Variants in USP17L2 observed in about 807,000 individuals in gnomAD.
The protein encoded by USP17L2 is ubiquitin carboxyl-terminal hydrolase 17.
A neutral mutation model predicts 39.8 loss-of-function variants in USP17L2; 29 were observed. The observed-to-expected ratio is 0.73, with a 90% confidence interval of 0.54 to 0.99. The LOEUF is 0.99. Among genes scored for constraint, USP17L2 ranks in the 50% least tolerant of loss-of-function variants. The probability of loss-of-function intolerance (pLI) is 0.00; values close to 1 mark genes in which losing one functional copy is unlikely to be tolerated. For synonymous variants in USP17L2, 231 were observed against 252.7 expected (o/e 0.91, Z 0.81); for missense variants, 567 against 647.2 (o/e 0.88, Z 1.35).
Position 12,136,754 on chromosome 8 carries a change from C to G in USP17L2, c.*414G>C, listed in dbSNP as rs577539512. 2.1e-5 allele frequency among the ~76,000 whole-genome samples: 3 copies of G among 140,816 alleles called. No homozygotes were observed. The highest frequency in any genetic ancestry group is 2.3e-4 in the East Asian group (1 of 4,332). The allele number at this position is 140,816 out of a possible 152,430, so 92.4% of individuals were successfully genotyped here. A position where few individuals can be genotyped will look rare whatever the true frequency, so the allele number is the denominator to read the frequency against. On this transcript the variant is annotated 3_prime_UTR_variant, in exon 1 of 1. Transcript: ENST00000333796. ...TGCCACATGAGCAAAATTTCACCTT[C>G]TCGTGCCGCCCAACAACTGACGAAT...
Position 12,137,841 on chromosome 8 carries a change from A to G in USP17L2, c.920T>C (p.Met307Thr). The change falls in exon 1 of 1, where the codon ATG (methionine) becomes ACG (threonine). Residue 307 changes from methionine (M) to threonine (T), a missense_variant. By Grantham distance (81) the Met-to-Thr change is moderately conservative. This residue lies in a region of USP17L2 where 65 missense variants were observed against 84.8 expected (regional missense o/e 0.77). Coordinates refer to ENST00000333796, the MANE Select transcript of USP17L2 (RefSeq NM_201402.3). ...YPECLDMQPY[M>T]SQQNTGPLVY... ...AAGAGGTCCTGTGTTCTGCTGAGAC[A>G]TGTATGGCTGCATGTCAAGGCACTC... 1 of 1,486,932 alleles carries G rather than the reference A, an allele frequency of 6.7e-7. No individual in the cohort carries two copies. The highest frequency in any genetic ancestry group is 9.2e-7 in the Non-Finnish European group (1 of 1,092,470). 92.1% of individuals were successfully genotyped at this position (1,486,932 alleles called of 1,614,324 possible).
Position 12,138,653 on chromosome 8 carries a change from A to G in USP17L2, c.108T>C (p.Ser36=), listed in dbSNP as rs1277257572. ...ATGAGAGTGGTGACTTCTCAGGGAG[A>G]GAAGTCCGCTGGATTTCAGCAAAAG... ...DAAFAEIQRT[S]LPEKSPLSSE... is the part of the protein sequence containing the mutation. The change falls in exon 1 of 1, where the codon TCT becomes TCC. Residue 36 remains serine, a synonymous_variant. Coordinates refer to ENST00000333796, the MANE Select transcript of USP17L2 (RefSeq NM_201402.3). The G allele has an allele frequency of 3.3e-6, 5 of 1,525,156 alleles. No individual in the cohort carries two copies. Among genetic ancestry groups the G allele is most frequent in the Admixed American group, 1.8e-5 (1 of 55,886 alleles). 94.5% of individuals were successfully genotyped at this position (1,525,156 alleles called of 1,614,324 possible).
chr8:12,137,303 C>A lies in USP17L2; in HGVS notation c.1458G>T (p.Leu486=), dbSNP rs1425918501. The change falls in exon 1 of 1, where the codon CTG becomes CTT. Residue 486 remains leucine (L), a synonymous_variant. Coordinates refer to ENST00000333796, the MANE Select transcript of USP17L2 (RefSeq NM_201402.3). The part of the protein sequence containing the change: ...KNHHPEQQSS[L]LNLSSTTRTD... ...TCCGGGTCGTCGAAGAGAGGTTTAG[C>A]AGGGAGCTTTGCTGTTCAGGATGAT... 12 of 1,531,220 alleles carry A rather than the reference C, an allele frequency of 7.8e-6. 2 individuals are homozygous for A. Among genetic ancestry groups the A allele is most frequent in the Admixed American group, 1.8e-5 (1 of 55,856 alleles). 94.9% of individuals were successfully genotyped at this position (1,531,220 alleles called of 1,614,324 possible).
Position 12,138,733 on chromosome 8 carries a change from C to A in USP17L2, c.28G>T (p.Gly10Cys), listed in dbSNP as rs780106944. 1 of 1,408,890 alleles carries A rather than the reference C, an allele frequency of 7.1e-7. No homozygotes were observed. The highest frequency in any genetic ancestry group is 1.8e-5 in the Admixed American group (1 of 55,814). The allele number at this position is 1,408,890 out of a possible 1,614,324, so 87.3% of individuals were successfully genotyped here. A position where few individuals can be genotyped will look rare whatever the true frequency, so the allele number is the denominator to read the frequency against. Residue 10 changes from glycine to cysteine, a missense_variant, in exon 1 of 1, where the codon GGT becomes TGT. By Grantham distance (159) the Gly-to-Cys change is radical. Transcript: ENST00000333796. Reference sequence around the variant, plus strand: ...GAAAAGTGGTTGAACTGCCACTCACCTCCCAAGTAGAGTGAGTCGTCCTCC... The same window carrying A: ...GAAAAGTGGTTGAACTGCCACTCACATCCCAAGTAGAGTGAGTCGTCCTCC... MEDDSLYLGGEWQFNHFSKL... is the reference protein window; with the variant it reads MEDDSLYLGCEWQFNHFSKL...
rs1470821235 is a variant in USP17L2, at chr8:12,137,740, C to A, written c.1021G>T (p.Ala341Ser). ...ATTTTATACCACTGGCCTTCTTGAGCTTTGACATAAGAGAAGTAATGTCCG... is the reference window on the plus strand; with the variant it reads ...ATTTTATACCACTGGCCTTCTTGAGATTTGACATAAGAGAAGTAATGTCCG... ...HDGHYFSYVK[A>S]QEGQWYKMDD... The change falls in exon 1 of 1, where the codon GCT becomes TCT. Residue 341 changes from alanine to serine, a missense_variant. Physicochemically the swap from Ala to Ser is moderately conservative, Grantham distance 99. This residue lies in a region of USP17L2 where 304 missense variants were observed against 254.7 expected (regional missense o/e 1.19). Coordinates refer to ENST00000333796, the MANE Select transcript of USP17L2 (RefSeq NM_201402.3). 3.9e-6 allele frequency: 6 copies of A among 1,523,868 alleles called. 1 individual carries two copies. The African/African-American group carries it at 5.9e-5, about 15-fold the overall frequency. The allele number at this position is 1,523,868 out of a possible 1,614,324, so 94.4% of individuals were successfully genotyped here. A position where few individuals can be genotyped will look rare whatever the true frequency, so the allele number is the denominator to read the frequency against.
Position 12,137,105 on chromosome 8 carries a change from G to T in USP17L2, c.*63C>A, listed in dbSNP as rs535903706. 1.4e-5 allele frequency: 20 copies of T among 1,464,148 alleles called. 1 individual carries two copies. Among genetic ancestry groups the T allele is most frequent in the African/African-American group, 4.5e-5 (3 of 66,556 alleles). 90.7% of individuals were successfully genotyped at this position (1,464,148 alleles called of 1,614,324 possible). On this transcript the variant is annotated 3_prime_UTR_variant, in exon 1 of 1. Coordinates refer to ENST00000333796, the MANE Select transcript of USP17L2 (RefSeq NM_201402.3). ...TGTGTGTTTGCGTGCGCGCTTGTGG[G>T]TGTATTTGTGCGTGTGTGTGTGTGC...
At position 12,138,239 on chromosome 8, in the gene USP17L2, C is replaced by T. The variant is rs1432975689; in HGVS notation, c.522G>A (p.Lys174=). 4 of 1,324,504 alleles carry T rather than the reference C, an allele frequency of 3.0e-6. No homozygotes were observed. The East Asian group carries it at 8.1e-5, about 27-fold the overall frequency. 82.0% of individuals were successfully genotyped at this position (1,324,504 alleles called of 1,614,324 possible). The change falls in exon 1 of 1, where the codon AAG becomes AAA. Residue 174 remains lysine, a synonymous_variant. Transcript: ENST00000333796. Reference sequence around the variant, plus strand: ...CCTGCTTGTGGCCGGGAAGGCATGCCTTTTTCATGGCATCCACAGTGAACA... The same window carrying T: ...CCTGCTTGTGGCCGGGAAGGCATGCTTTTTTCATGGCATCCACAGTGAACA... ...FLMFTVDAMK[K]ACLPGHKQVD...
chr8:12,136,745 T>A lies in USP17L2; in HGVS notation c.*423A>T, dbSNP rs1417268688. On this transcript the variant is annotated 3_prime_UTR_variant, in exon 1 of 1. Coordinates refer to ENST00000333796, the MANE Select transcript of USP17L2 (RefSeq NM_201402.3). ...CCATGGATGTGCCACATGAGCAAAA[T>A]TTCACCTTCTCGTGCCGCCCAACAA... Among the ~76,000 whole-genome samples the A allele has an allele frequency of 7.1e-5, 10 of 140,468 alleles. 1 individual carries two copies. The highest frequency in any genetic ancestry group is 1.4e-4 in the Non-Finnish European group (9 of 64,858). The allele number at this position is 140,468 out of a possible 152,430, so 92.2% of individuals were successfully genotyped here. A position where few individuals can be genotyped will look rare whatever the true frequency, so the allele number is the denominator to read the frequency against.
chr8:12,136,757 G>A lies in USP17L2; in HGVS notation c.*411C>T, dbSNP rs368031739. Among the ~76,000 whole-genome samples, 10 of 140,510 alleles carry A rather than the reference G, an allele frequency of 7.1e-5. 1 individual carries two copies. The highest frequency in any genetic ancestry group is 2.5e-4 in the South Asian group (1 of 4,000). The allele number at this position is 140,510 out of a possible 152,430, so 92.2% of individuals were successfully genotyped here. On this transcript the variant is annotated 3_prime_UTR_variant, in exon 1 of 1. Transcript: ENST00000333796. ...CACATGAGCAAAATTTCACCTTCTC[G>A]TGCCGCCCAACAACTGACGAATGAA...
rs565460675 is a variant in USP17L2 at position 12,136,937 on chromosome 8, C to T, written c.*231G>A. Among the ~76,000 whole-genome samples the T allele has an allele frequency of 1.6e-4, 22 of 140,724 alleles. 2 individuals are homozygous for T. Among genetic ancestry groups the T allele is most frequent in the South Asian group, 1.3e-3 (5 of 3,998 alleles). 92.3% of individuals were successfully genotyped at this position (140,724 alleles called of 152,430 possible). A position where few individuals can be genotyped will look rare whatever the true frequency, so the allele number is the denominator to read the frequency against. ...TCTCTCCAGAGGTTCGGAAGACTCA[C>T]GACCCCAAAACTTGATGTTTCCCAT... On this transcript the variant is annotated 3_prime_UTR_variant, in exon 1 of 1. Coordinates refer to ENST00000333796, the MANE Select transcript of USP17L2 (RefSeq NM_201402.3).
rs1482561423 is a variant in USP17L2 at position 12,136,485 on chromosome 8, A to C, written c.*683T>G. 1.4e-5 allele frequency among the ~76,000 whole-genome samples: 2 copies of C among 140,692 alleles called. 1 individual carries two copies. The highest frequency in any genetic ancestry group is 3.1e-5 in the Non-Finnish European group (2 of 64,942). 92.3% of individuals were successfully genotyped at this position (140,692 alleles called of 152,430 possible). A position where few individuals can be genotyped will look rare whatever the true frequency, so the allele number is the denominator to read the frequency against. ...TACGACTTATTTCCAAATGACTGAC[A>C]TGCCAGTGGGAAAATTTTCCATTTC... On this transcript the variant is annotated 3_prime_UTR_variant, in exon 1 of 1. Transcript: ENST00000333796.
Position 12,137,678 on chromosome 8 carries a change from A to C in USP17L2, c.1083T>G (p.Ser361=), listed in dbSNP as rs753564542. The change falls in exon 1 of 1, where the codon TCT becomes TCG. Residue 361 remains serine, a synonymous_variant. Transcript: ENST00000333796. ...GGACATAGGCCTGTTGACTCAGGAC[A>C]GAAGTGATGCTACAGGCAGTGACCT... is the stretch of plus-strand genomic sequence containing the variant. The part of the protein sequence containing the change: ...DAKVTACSIT[S]VLSQQAYVLF... 9.1e-6 allele frequency: 14 copies of C among 1,533,396 alleles called. 1 individual carries two copies. In the East Asian group the frequency reaches 3.6e-4, roughly 40 times the overall value. 95.0% of individuals were successfully genotyped at this position (1,533,396 alleles called of 1,614,324 possible). A position where few individuals can be genotyped will look rare whatever the true frequency, so the allele number is the denominator to read the frequency against.
rs182148341 is a variant in USP17L2 at position 12,137,344 on chromosome 8, A to C, written c.1417T>G (p.Cys473Gly). ...TCAGGATGATGGTTTTTCATCCCAC[A>C]CTTGTATTTCGATTGATGAATCACA... ...VLVIHQSKYKCGMKNHHPEQQ... is the reference protein window; with the variant it reads ...VLVIHQSKYKGGMKNHHPEQQ... The change falls in exon 1 of 1, where the codon TGT becomes GGT. Residue 473 changes from cysteine (C) to glycine (G), a missense_variant. By Grantham distance (159) the Cys-to-Gly change is radical. Transcript: ENST00000333796. The C allele has an allele frequency of 2.4e-4, 370 of 1,531,360 alleles. 62 individuals are homozygous for C. Among genetic ancestry groups the C allele is most frequent in the Admixed American group, 3.4e-4 (19 of 55,858 alleles). The allele number at this position is 1,531,360 out of a possible 1,614,324, so 94.9% of individuals were successfully genotyped here. A position where few individuals can be genotyped will look rare whatever the true frequency, so the allele number is the denominator to read the frequency against.
rs1042853860 is a variant in USP17L2, at chr8:12,137,345, C to T, written c.1416G>A (p.Lys472=). Residue 472 remains lysine (K), a synonymous_variant, in exon 1 of 1, where the codon AAG becomes AAA. Coordinates refer to ENST00000333796, the MANE Select transcript of USP17L2 (RefSeq NM_201402.3). ...CAGGATGATGGTTTTTCATCCCACA[C>T]TTGTATTTCGATTGATGAATCACAA... ...NVLVIHQSKY[K]CGMKNHHPEQ... The T allele has an allele frequency of 1.7e-5, 26 of 1,531,486 alleles. 5 individuals carry two copies. The highest frequency in any genetic ancestry group is 3.6e-5 in the Admixed American group (2 of 55,850). The allele number at this position is 1,531,486 out of a possible 1,614,324, so 94.9% of individuals were successfully genotyped here. A position where few individuals can be genotyped will look rare whatever the true frequency, so the allele number is the denominator to read the frequency against.
rs1369804721 is a variant in USP17L2, at chr8:12,136,922, G to A, written c.*246C>T. On this transcript the variant is annotated 3_prime_UTR_variant, in exon 1 of 1. Coordinates refer to ENST00000333796, the MANE Select transcript of USP17L2 (RefSeq NM_201402.3). ...CAAACACACAGACAGTCTCTCCAGA[G>A]GTTCGGAAGACTCACGACCCCAAAA... is the stretch of plus-strand genomic sequence containing the variant. Among the ~76,000 whole-genome samples the A allele has an allele frequency of 2.1e-5, 3 of 140,378 alleles. No individual in the cohort carries two copies. The highest frequency in any genetic ancestry group is 8.1e-5 in the African/African-American group (3 of 37,218). 92.1% of individuals were successfully genotyped at this position (140,378 alleles called of 152,430 possible).
rs1237261025 is a variant in USP17L2, at chr8:12,138,579, T to A, written c.182A>T (p.Gln61Leu). 2.0e-6 allele frequency: 3 copies of A among 1,530,970 alleles called. 1 individual carries two copies. Among genetic ancestry groups the A allele is most frequent in the Non-Finnish European group, 2.6e-6 (3 of 1,135,300 alleles). The allele number at this position is 1,530,970 out of a possible 1,614,324, so 94.8% of individuals were successfully genotyped here. A position where few individuals can be genotyped will look rare whatever the true frequency, so the allele number is the denominator to read the frequency against. The change falls in exon 1 of 1, where the codon CAG becomes CTG. Residue 61 changes from glutamine (Q) to leucine (L), a missense_variant. This residue lies in a region of USP17L2 where 120 missense variants were observed against 111.0 expected (regional missense o/e 1.08). Transcript: ENST00000333796. ...AGGAAGCTTCTTCCTGGGAGCAAGC[T>A]GTCTTGCCACAGGAGCCAAATCATC... ...LCDDLAPVAR[Q>L]LAPRKKLPLS...
In USP17L2 at chr8:12,138,553, G is replaced by C. The variant is rs1284259900; in HGVS notation, c.208C>G (p.Leu70Val). 12 of 1,530,848 alleles carry C rather than the reference G, an allele frequency of 7.8e-6. No homozygotes were observed. Among genetic ancestry groups the C allele is most frequent in the Non-Finnish European group, 8.8e-6 (10 of 1,135,204 alleles). The allele number at this position is 1,530,848 out of a possible 1,614,324, so 94.8% of individuals were successfully genotyped here. ...ACCGCAGCAGGTCTCCTGCTACTCA[G>C]AGGAAGCTTCTTCCTGGGAGCAAGC... The part of the protein sequence containing the change: ...RQLAPRKKLP[L>V]SSRRPAAVGA... Residue 70 changes from leucine to valine, a missense_variant, in exon 1 of 1, where the codon CTG becomes GTG. Physicochemically the swap from Leu to Val is conservative, Grantham distance 32. This residue lies in a region of USP17L2 where 120 missense variants were observed against 111.0 expected (regional missense o/e 1.08). Transcript: ENST00000333796.
rs1585165689 is a variant in USP17L2, at chr8:12,137,081, G to C, written c.*87C>G. On this transcript the variant is annotated 3_prime_UTR_variant, in exon 1 of 1. Transcript: ENST00000333796. ...ACGGTGTTCGTGTTTGTGTGTGTGT[G>C]TGTGTTTGCGTGCGCGCTTGTGGGT... 4 of 1,371,296 alleles carry C rather than the reference G, an allele frequency of 2.9e-6. No individual in the cohort carries two copies. In the East Asian group the frequency reaches 1.1e-4, roughly 37 times the overall value. The allele number at this position is 1,371,296 out of a possible 1,614,324, so 84.9% of individuals were successfully genotyped here.
chr8:12,136,940 C>A lies in USP17L2; in HGVS notation c.*228G>T, dbSNP rs532867677. On this transcript the variant is annotated 3_prime_UTR_variant, in exon 1 of 1. Coordinates refer to ENST00000333796, the MANE Select transcript of USP17L2 (RefSeq NM_201402.3). ...CTCCAGAGGTTCGGAAGACTCACGA[C>A]CCCAAAACTTGATGTTTCCCATGTG... 1.6e-4 allele frequency among the ~76,000 whole-genome samples: 22 copies of A among 140,764 alleles called. 3 individuals are homozygous for A. The highest frequency in any genetic ancestry group is 1.5e-3 in the South Asian group (6 of 4,022). The allele number at this position is 140,764 out of a possible 152,430, so 92.3% of individuals were successfully genotyped here. A position where few individuals can be genotyped will look rare whatever the true frequency, so the allele number is the denominator to read the frequency against.
Sources: allele counts gnomAD v4.1 joint callset (sites outside exome capture counted in the v4.1 genomes callset), GRCh38; gene constraint gnomAD v4.1.1; regional missense constraint gnomAD v4.1.1; transcripts MANE v1.5; gene names NCBI Gene and HGNC (gene_info 2026-07-23, HGNC 2026-07-21).